Variants in TBC1D2B observed in about 807,000 individuals in gnomAD.
TBC1D2B encodes the protein TBC1 domain family, member 2B.
Under a neutral mutation model 100.8 loss-of-function variants are expected in TBC1D2B, and 64 were observed. The ratio of observed to expected loss-of-function variants is 0.64; its 90% CI spans 0.52 to 0.78. The LOEUF (loss-of-function observed/expected upper bound fraction) is 0.78, where lower values mean the gene tolerates loss of function less well. Ranked by LOEUF, TBC1D2B falls within the 30% of genes least tolerant of loss-of-function variation. TBC1D2B has a pLI of 0.00. For synonymous variants in TBC1D2B, 480 were observed against 479.7 expected, an observed-to-expected ratio of 1.00 and a Z score of -0.01; for missense variants, 1,052 against 1,218.4, an observed-to-expected ratio of 0.86 and a Z score of 2.03.
chr15:78,000,765 T>C (rs1345238899), intron 12 of TBC1D2B, among the ~76,000 whole-genome samples: 1 of 152,212 alleles, frequency 6.6e-6, no homozygotes, highest in East Asian at 1.9e-4. Flanking sequence ...AGGCAATGAC[T>C]GTGTGGTCAG....
chr15:78,067,477 C>G (rs955076059), intron 1 of TBC1D2B, among the ~76,000 whole-genome samples: 4 of 152,212 alleles, frequency 2.6e-5, no homozygotes, highest in Admixed American at 1.3e-4. Context: ...TCCTGAACAC[C>G]AGAGAGCTGG....
intron 5 of TBC1D2B, among the ~76,000 whole-genome samples, chr15:78,024,833 G>T (rs965894579): frequency 6.6e-6 from 1 of 152,170 alleles, no homozygotes; most frequent in African/African-American, 2.4e-5. Flanking sequence ...AAAAACCTGT[G>T]CTCTAAGAGT....
intron 12 of TBC1D2B, chr15:77,998,779 C>T (rs924621815): frequency 5.2e-5 from 9 of 173,864 alleles, no homozygotes; most frequent in Non-Finnish European, 6.1e-5. Flanking sequence ...GGCCTGGCAC[C>T]GGGCACGAGT....
chr15:78,069,753 TA>T lies in TBC1D2B; in HGVS notation c.360+7539del, dbSNP rs2073715922. Among the ~76,000 whole-genome samples, 3 of 152,282 alleles carry T rather than the reference TA, an allele frequency of 2.0e-5. No individual in the cohort carries two copies. The South Asian group carries it at 6.2e-4, about 32-fold the overall frequency. The stretch of plus-strand genomic sequence containing the variant: ...TTAGATAGATAGATACATACATACA[TA>T]TATACAAACATACATAGATGGAGGC... On this transcript the variant is annotated intron_variant, in intron 1 of 12. Transcript: ENST00000300584.
rs977356767 is a variant in TBC1D2B, at chr15:77,997,395, C to T, written c.*765G>A. 1.3e-5 allele frequency: 2 copies of T among 152,264 alleles called. No homozygotes were observed. Among genetic ancestry groups the T allele is most frequent in the African/African-American group, 4.8e-5 (2 of 41,456 alleles). 9.4% of individuals were successfully genotyped at this position (152,264 alleles called of 1,614,324 possible). On this transcript the variant is annotated 3_prime_UTR_variant, in exon 13 of 13. Coordinates refer to ENST00000300584, the MANE Select transcript of TBC1D2B (RefSeq NM_144572.2). ...AAGAAGGGCATTCCACAGAATCTCA[C>T]AGAGCCATGCCTGGCACGGGGCAAG... is the stretch of plus-strand genomic sequence containing the variant.
Position 78,016,563 on chromosome 15 carries a change from A to T in TBC1D2B, c.1758T>A (p.Val586=), listed in dbSNP as rs773119258. The change falls in exon 8 of 13, where the codon GTT becomes GTA. Residue 586 remains valine, a synonymous_variant. Coordinates refer to ENST00000300584, the MANE Select transcript of TBC1D2B (RefSeq NM_144572.2). Reference sequence around the variant, plus strand: ...ACATTTACCTGACAAGATGAGGTTTAACAAATGCTTGCTCCGGCTGCTCTT... The same window carrying T: ...ACATTTACCTGACAAGATGAGGTTTTACAAATGCTTGCTCCGGCTGCTCTT... ...ESQEQPEQAF[V]KPHLVSEYDI... 1 of 1,612,672 alleles carries T rather than the reference A, an allele frequency of 6.2e-7. No homozygotes were observed. Among genetic ancestry groups the T allele is most frequent in the Non-Finnish European group, 8.5e-7 (1 of 1,179,664 alleles).
chr15:78,071,237 G>A (rs1596332803), intron 1 of TBC1D2B, among the ~76,000 whole-genome samples: 1 of 152,148 alleles, frequency 6.6e-6, no homozygotes, highest in East Asian at 1.9e-4. Flanking sequence ...CAAAGTGCTG[G>A]GATTACAGGA....
chr15:78,025,982 C>T (rs1205450600), intron 4 of TBC1D2B, among the ~76,000 whole-genome samples: 1 of 151,130 alleles, frequency 6.6e-6, no homozygotes, highest in African/African-American at 2.4e-5. Context: ...AGATAGTAAC[C>T]AACATGCTTC....
chr15:78,054,074 G>C lies in TBC1D2B; in HGVS notation c.474C>G (p.Pro158=), dbSNP rs777790889. 2 of 1,613,506 alleles carry C rather than the reference G, an allele frequency of 1.2e-6. No homozygotes were observed. The highest frequency in any genetic ancestry group is 3.3e-5 in the Admixed American group (2 of 59,950). Residue 158 remains proline, a synonymous_variant, in exon 2 of 13, where the codon CCC becomes CCG. Transcript: ENST00000300584. ...CTACAAGACCCTTAGGAAAATCCCC[G>C]GGAGTTGGAGAGGTCCTGCTGTCCC... The part of the protein sequence containing the change: ...VKWDSRTSPT[P]GDFPKGLVAR...
intron 6 of TBC1D2B, among the ~76,000 whole-genome samples, chr15:78,018,838 G>C (rs905833695): frequency 6.6e-6 from 1 of 152,162 alleles, no homozygotes; most frequent in East Asian, 1.9e-4. Flanking sequence ...TAAAAACAAT[G>C]AACTGAAGAA....
chr15:78,058,063 T>C (rs536189378), intron 1 of TBC1D2B, among the ~76,000 whole-genome samples: 33 of 152,320 alleles, frequency 2.2e-4, no homozygotes, highest in Non-Finnish European at 2.6e-4. Context: ...ACATGAGAGA[T>C]GGCCAGTGCC....
At chr15:78,052,157 C>G (rs1240799573) in intron 2 of TBC1D2B, among the ~76,000 whole-genome samples, 1 of 152,182 alleles carries the variant, frequency 6.6e-6, no homozygotes, top group Non-Finnish European at 1.5e-5. Flanking sequence ...GCCATCCTGA[C>G]TGCAGCTCTG....
chr15:78,072,433 G>C (rs1329889730), intron 1 of TBC1D2B, among the ~76,000 whole-genome samples: 4 of 152,158 alleles, frequency 2.6e-5, no homozygotes, highest in African/African-American at 9.7e-5. Flanking sequence ...GATGCCCTAG[G>C]GCAGAACAGC....
chr15:78,046,852 G>A (rs2073205981), intron 2 of TBC1D2B, among the ~76,000 whole-genome samples: 1 of 151,606 alleles, frequency 6.6e-6, no homozygotes, highest in South Asian at 2.1e-4. Flanking sequence ...ACTGAGCACT[G>A]GTAAAGGAAA....
intron 1 of TBC1D2B, among the ~76,000 whole-genome samples, chr15:78,071,028 G>A (rs1262633270): frequency 6.6e-6 from 1 of 152,198 alleles, no homozygotes; most frequent in Non-Finnish European, 1.5e-5. Flanking sequence ...CACCATGCTG[G>A]TCAGGCTGGT....
chr15:78,000,823 C>T (rs2071892444), intron 12 of TBC1D2B, among the ~76,000 whole-genome samples: 1 of 152,216 alleles, frequency 6.6e-6, no homozygotes, highest in South Asian at 2.1e-4. Flanking sequence ...CTCAGGGGTC[C>T]TCCAAGTCAA....
At chr15:77,998,778 C>G (rs2071833993) in intron 12 of TBC1D2B, 1 of 175,958 alleles carries the variant, frequency 5.7e-6, no homozygotes, top group Admixed American at 5.8e-5. Context: ...AGGCCTGGCA[C>G]CGGGCACGAG....
intron 3 of TBC1D2B, 138 bp from the exon 4 acceptor site, chr15:78,030,308 C>CT (rs899437723): frequency 0.046 from 25,877 of 568,012 alleles, no homozygotes; most frequent in South Asian, 0.062. Flanking sequence ...TGGGGATTCC[C>CT]TTTTTTTTTT....
At chr15:78,020,989 G>A (rs2072502501) in intron 6 of TBC1D2B, among the ~76,000 whole-genome samples, 1 of 152,230 alleles carries the variant, frequency 6.6e-6, no homozygotes, top group African/African-American at 2.4e-5. Flanking sequence ...CCACAGTGTT[G>A]AATGGAACAA....
Sources: allele counts gnomAD v4.1 joint callset (sites outside exome capture counted in the v4.1 genomes callset), GRCh38; gene constraint gnomAD v4.1.1; transcripts MANE v1.5; gene names NCBI Gene and HGNC (gene_info 2026-07-23, HGNC 2026-07-21).